Variants in NPAS3 observed in about 807,000 individuals in gnomAD.
NPAS3 encodes neuronal PAS domain-containing protein 3.
NPAS3 carries 14 observed loss-of-function variants against 73.1 expected under a neutral mutation model. The ratio of observed to expected loss-of-function variants is 0.19; its 90% confidence interval spans 0.13 to 0.30. The LOEUF is 0.30. NPAS3 is among the 10% of genes least tolerant of loss of function. NPAS3 has a pLI of 1.00. For missense variants in NPAS3, 1,096 were observed against 1,250.0 expected (o/e 0.88, Z 1.86); for synonymous variants, 620 against 541.5 (o/e 1.14, Z -2.01).
At chr14:33,534,963 A>G (rs937918271) in intron 4 of NPAS3, among the ~76,000 whole-genome samples, 3 of 152,196 alleles carry the variant, frequency 2.0e-5, no homozygotes, top group African/African-American at 7.2e-5. Flanking sequence ...CATAATGCTC[A>G]TCATAAGAGG....
intron 1 of NPAS3, among the ~76,000 whole-genome samples, chr14:32,947,853 A>T (rs1261191236): frequency 1.3e-5 from 2 of 152,020 alleles, no homozygotes; most frequent in African/African-American, 4.8e-5. Flanking sequence ...AATCCTGTGA[A>T]ATTTGTCATA....
chr14:33,385,121 G>T (rs1196255236), intron 4 of NPAS3, among the ~76,000 whole-genome samples: 1 of 152,206 alleles, frequency 6.6e-6, no homozygotes, highest in Non-Finnish European at 1.5e-5. Flanking sequence ...TTTGCCAAGT[G>T]TCTCTTTTTC....
intron 1 of NPAS3, among the ~76,000 whole-genome samples, chr14:33,014,500 C>A (rs2139667041): frequency 6.6e-6 from 1 of 152,204 alleles, no homozygotes; most frequent in East Asian, 1.9e-4. Flanking sequence ...TGATCACATC[C>A]TTTTATGAAA....
chr14:33,401,605 T>A (rs995093441), intron 4 of NPAS3, among the ~76,000 whole-genome samples: 1 of 152,116 alleles, frequency 6.6e-6, no homozygotes, highest in East Asian at 1.9e-4. Context: ...TAATTGGACC[T>A]CATGTGAAAG....
At chr14:33,658,076 A>T (rs1039761903) in intron 5 of NPAS3, among the ~76,000 whole-genome samples, 4 of 152,154 alleles carry the variant, frequency 2.6e-5, no homozygotes, top group Non-Finnish European at 4.4e-5. Flanking sequence ...GGTTTCTTTC[A>T]CCTTTGTGGC....
At chr14:33,565,125 A>G (rs999539488) in intron 5 of NPAS3, among the ~76,000 whole-genome samples, 2 of 152,238 alleles carry the variant, frequency 1.3e-5, no homozygotes, top group Admixed American at 6.5e-5. Flanking sequence ...GCAGATTATA[A>G]TAAGAGTTAA....
At position 33,800,504 on chromosome 14, in the gene NPAS3, G is replaced by T; in HGVS notation, c.2197G>T (p.Ala733Ser). 1 of 1,436,124 alleles carries T rather than the reference G, an allele frequency of 7.0e-7. No homozygotes were observed. Among genetic ancestry groups the T allele is most frequent in the Admixed American group, 3.3e-5 (1 of 30,208 alleles). 89.0% of individuals were successfully genotyped at this position (1,436,124 alleles called of 1,614,324 possible). The change falls in exon 12 of 12, where the codon GCC (alanine) becomes TCC (serine). Residue 733 changes from alanine (A) to serine (S), a missense_variant. Physicochemically the swap from Ala to Ser is moderately conservative, Grantham distance 99. Coordinates refer to ENST00000356141, the Ensembl canonical transcript of NPAS3. The surrounding 1 kb of genome is among the most constrained non-coding windows in gnomAD (Gnocchi z 6.5). ...GGCCGCCCGCAAGACTCAGTTCGGC[G>T]CCTCGGCCACCGCGGCCCTGGCCCC...
rs182130648 is a variant in NPAS3 at position 33,792,462 on chromosome 14, T to A, written c.1154-1435T>A. On this transcript the variant is annotated intron_variant, in intron 9 of 11. Transcript: ENST00000356141. ...TTTATATGTTTATGGATGTAATAGA[T>A]GGATGTGGCACTTTCAGAGCCAGGA... Among the ~76,000 whole-genome samples the A allele has an allele frequency of 2.7e-3, 413 of 151,992 alleles. 3 individuals carry two copies. The highest frequency in any genetic ancestry group is 9.2e-3 in the African/African-American group (382 of 41,444).
chr14:33,238,225 A>G (rs886491142), intron 3 of NPAS3, among the ~76,000 whole-genome samples: 8 of 152,048 alleles, frequency 5.3e-5, no homozygotes, highest in South Asian at 2.1e-4. Context: ...TTATAGGATT[A>G]TAAATGTTAG....
At chr14:33,463,731 A>G (rs2050378446) in intron 4 of NPAS3, among the ~76,000 whole-genome samples, 1 of 152,214 alleles carries the variant, frequency 6.6e-6, no homozygotes, top group Non-Finnish European at 1.5e-5. Flanking sequence ...TTCTGTACCT[A>G]TACCCAAAAT....
At chr14:33,215,732 C>T (rs2047199910) in intron 3 of NPAS3, 2 of 618,506 alleles carry the variant, frequency 3.2e-6, no homozygotes, top group South Asian at 2.0e-5. Flanking sequence ...TTTACCATTA[C>T]ATACAAATTC....
chr14:33,450,510 A>T (rs933793467), intron 4 of NPAS3, among the ~76,000 whole-genome samples: 9 of 152,166 alleles, frequency 5.9e-5, no homozygotes, highest in Non-Finnish European at 1.2e-4. Flanking sequence ...ATCCTGAAAA[A>T]AACATCTGAG....
chr14:32,971,038 G>A (rs546411303), intron 1 of NPAS3, among the ~76,000 whole-genome samples: 160 of 151,750 alleles, frequency 1.1e-3, no homozygotes, highest in Non-Finnish European at 1.6e-3. Flanking sequence ...CTTCTCTGTG[G>A]CAATTAAGAT....
chr14:33,586,665 C>T (rs944035781), intron 5 of NPAS3, among the ~76,000 whole-genome samples: 25 of 152,226 alleles, frequency 1.6e-4, no homozygotes, highest in Admixed American at 1.6e-3. Context: ...CTAACATTCC[C>T]TTTTGTTAAT....
intron 2 of NPAS3, among the ~76,000 whole-genome samples, chr14:33,114,235 C>T (rs1288171338): frequency 6.6e-6 from 1 of 152,050 alleles, no homozygotes. Context: ...GGGTTTTTGC[C>T]ATGTTGGCCA....
chr14:33,519,051 T>C (rs367869248), intron 4 of NPAS3, among the ~76,000 whole-genome samples: 11 of 152,236 alleles, frequency 7.2e-5, no homozygotes, highest in African/African-American at 2.6e-4. Flanking sequence ...CTTGTACCTA[T>C]TTGTTACACA....
chr14:33,598,207 C>A (rs2057301756), intron 5 of NPAS3, among the ~76,000 whole-genome samples: 1 of 152,220 alleles, frequency 6.6e-6, no homozygotes, highest in African/African-American at 2.4e-5. Context: ...TACCCAGACC[C>A]ATTTCCTAAT....
At chr14:33,626,406 C>T (rs1341950788) in intron 5 of NPAS3, among the ~76,000 whole-genome samples, 1 of 152,104 alleles carries the variant, frequency 6.6e-6, no homozygotes, top group Non-Finnish European at 1.5e-5. Context: ...GCTTCTTGTA[C>T]AAGATGTTTT....
At chr14:33,666,500 C>T (rs1362708630) in intron 5 of NPAS3, among the ~76,000 whole-genome samples, 1 of 152,186 alleles carries the variant, frequency 6.6e-6, no homozygotes, top group Non-Finnish European at 1.5e-5. Context: ...AGAATGTTGG[C>T]CCCTACCCCA....
Sources: gnomAD v4.1 joint callset for allele counts (sites outside exome capture counted in the v4.1 genomes callset) on GRCh38, gnomAD v4.1.1 for gene constraint, Gnocchi (gnomAD v3.1) non-coding constraint, MANE v1.5 for transcripts, NCBI Gene and HGNC (gene_info 2026-07-23, HGNC 2026-07-21) for gene names.